RBBP8NL: variants seen among roughly 807,000 people sequenced by gnomAD.
The protein encoded by RBBP8NL is RBBP8 N-terminal-like protein.
In RBBP8NL, 59 loss-of-function variants were observed where a neutral mutation model predicts 62.2. The observed-to-expected ratio is 0.95, with a 90% confidence interval of 0.77 to 1.18. The LOEUF (loss-of-function observed/expected upper bound fraction) is 1.18. RBBP8NL is among the 50% of genes most tolerant of loss of function. The probability of loss-of-function intolerance (pLI) is 0.00; values close to 1 mark genes in which losing one functional copy is unlikely to be tolerated. For synonymous variants in RBBP8NL, 412 were observed against 394.1 expected (o/e 1.05, Z -0.54); for missense variants, 896 against 899.5 (o/e 1.00, Z 0.05).
intron 1 of RBBP8NL, among the ~76,000 whole-genome samples, chr20:62,420,452 G>A (rs1484541075): frequency 6.6e-6 from 1 of 150,952 alleles, no homozygotes; most frequent in Non-Finnish European, 1.5e-5. Flanking sequence ...CACAGAGCAT[G>A]TACACACATA....
Position 62,414,297 on chromosome 20 carries a change from C to G in RBBP8NL, c.1054G>C (p.Glu352Gln). Residue 352 changes from glutamate to glutamine, a missense_variant, in exon 10 of 14, where the codon GAG (glutamate) becomes CAG (glutamine). By Grantham distance (29) the Glu-to-Gln change is conservative. Coordinates refer to ENST00000252998, the MANE Select transcript of RBBP8NL (RefSeq NM_080833.3). Reference sequence around the variant, plus strand: ...GCCAGGAGCAGGTGCAGTGCCCCCTCCAGGCGAAGGTCCTGCATGCCCGCC... The same window carrying G: ...GCCAGGAGCAGGTGCAGTGCCCCCTGCAGGCGAAGGTCCTGCATGCCCGCC... ...ALAGMQDLRL[E>Q]GALHLLLAQQ... is the part of the protein sequence containing the mutation. 1 of 1,572,840 alleles carries G rather than the reference C, an allele frequency of 6.4e-7. No individual in the cohort carries two copies.
intron 1 of RBBP8NL, among the ~76,000 whole-genome samples, chr20:62,421,178 G>A (rs966525728): frequency 9.8e-5 from 15 of 152,390 alleles, no homozygotes; most frequent in African/African-American, 3.6e-4. Flanking sequence ...TTCACCGGGT[G>A]GCTTGTGCTT....
chr20:62,412,835 T>C lies in RBBP8NL; in HGVS notation c.1741A>G (p.Ser581Gly), dbSNP rs1237028588. 5.0e-6 allele frequency: 8 copies of C among 1,613,506 alleles called. No individual in the cohort carries two copies. Among genetic ancestry groups the C allele is most frequent in the Non-Finnish European group, 6.8e-6 (8 of 1,180,002 alleles). The change falls in exon 12 of 14, where the codon AGC becomes GGC. Residue 581 changes from serine (S) to glycine (G), a missense_variant. Coordinates refer to ENST00000252998, the MANE Select transcript of RBBP8NL (RefSeq NM_080833.3). ...AGTGTGTGGCCTGGACCCACCTCGCTGCCTGGGGTGTCTGTCTCATCCAGT... is the reference window on the plus strand; with the variant it reads ...AGTGTGTGGCCTGGACCCACCTCGCCGCCTGGGGTGTCTGTCTCATCCAGT... ...DELDETDTPG[S>G]EVGLSSQAEA... is the part of the protein sequence containing the mutation.
rs911249054 is a variant in RBBP8NL, at chr20:62,419,842, G to A, written c.-83-112C>T. ...CTGTATGGAGCAGACCCCATGCCAT[G>A]CTGTAGGGGCTACTCATGGGAGGTG... On this transcript the variant is annotated intron_variant, in intron 1 of 13. Coordinates refer to ENST00000252998, the MANE Select transcript of RBBP8NL (RefSeq NM_080833.3). The A allele has an allele frequency of 1.9e-5, 11 of 587,526 alleles. No homozygotes were observed. In the African/African-American group the frequency reaches 2.1e-4, roughly 11 times the overall value. 36.4% of individuals were successfully genotyped at this position (587,526 alleles called of 1,614,324 possible).
intron 3 of RBBP8NL, 23 bp from the exon 4 acceptor site, chr20:62,417,342 T>A (rs776794365): frequency 1.9e-6 from 3 of 1,550,562 alleles, no homozygotes; most frequent in Non-Finnish European, 2.6e-6. Context: ...ACAGCTAAAG[T>A]GGGGTCCTGT....
Position 62,418,406 on chromosome 20 carries a change from T to C in RBBP8NL, c.104+17A>G, listed in dbSNP as rs1268521515. The C allele has an allele frequency of 3.2e-6, 5 of 1,550,136 alleles. No individual in the cohort carries two copies. The highest frequency in any genetic ancestry group is 4.4e-6 in the Non-Finnish European group (5 of 1,146,804). ...GTGTGGTCCCTGTGAGGAGGGGCCCTGCTTGGCCTGACTCACCGGCACCTC... is the reference window on the plus strand; with the variant it reads ...GTGTGGTCCCTGTGAGGAGGGGCCCCGCTTGGCCTGACTCACCGGCACCTC... On this transcript the variant is annotated intron_variant, in intron 3 of 13. Coordinates refer to ENST00000252998, the MANE Select transcript of RBBP8NL (RefSeq NM_080833.3).
chr20:62,413,275 C>T, intron 11 of RBBP8NL, 126 bp downstream of exon 11: 1 of 1,219,940 alleles, frequency 8.2e-7, no homozygotes, highest in Non-Finnish European at 1.1e-6. Flanking sequence ...TGGGGTTGCC[C>T]CGTCAGATCG....
Position 62,410,939 on chromosome 20 carries a change from C to T in RBBP8NL, c.1934G>A (p.Ser645Asn), listed in dbSNP as rs1376504970. Residue 645 changes from serine (S) to asparagine (N), a missense_variant, in exon 14 of 14, where the codon AGC becomes AAC. Physicochemically the swap from Ser to Asn is conservative, Grantham distance 46. Transcript: ENST00000252998. ...RKLTATEGPG[S>N]PRDAEDHSPS... ...ACTGTGGTCCTCGGCGTCCCTTGGG[C>T]TCCCGGGCCCCTCAGTGGCTGTCAG... 6.2e-7 allele frequency: 1 copy of T among 1,613,736 alleles called. No individual in the cohort carries two copies. The highest frequency in any genetic ancestry group is 8.5e-7 in the Non-Finnish European group (1 of 1,179,928).
At position 62,415,902 on chromosome 20, in the gene RBBP8NL, G is replaced by A. The variant is rs1433826055; in HGVS notation, c.430C>T (p.Pro144Ser). 3.1e-6 allele frequency: 5 copies of A among 1,587,640 alleles called. No homozygotes were observed. In the African/African-American group the frequency reaches 5.4e-5, roughly 17 times the overall value. Residue 144 changes from proline to serine, a missense_variant, in exon 7 of 14, where the codon CCC becomes TCC. Coordinates refer to ENST00000252998, the MANE Select transcript of RBBP8NL (RefSeq NM_080833.3). ...PRAKEGTSDP[P>S]SPLLLPSPGG... is the part of the protein sequence containing the mutation. Reference sequence around the variant, plus strand: ...GGGGAGGGGAGCAGCAGGGGTGAGGGGGGGTCCGAGGTGCCCTCCTTGGCC... The same window carrying A: ...GGGGAGGGGAGCAGCAGGGGTGAGGAGGGGTCCGAGGTGCCCTCCTTGGCC...
intron 4 of RBBP8NL, 34 bp from the exon 5 acceptor site, chr20:62,416,906 T>C (rs1186108739): frequency 6.7e-7 from 1 of 1,483,104 alleles, no homozygotes; most frequent in South Asian, 1.2e-5. Flanking sequence ...GTGTGAGGGA[T>C]GGCACGGAAG....
intron 3 of RBBP8NL, among the ~76,000 whole-genome samples, chr20:62,417,558 C>T (rs1412070330): frequency 1.7e-4 from 9 of 53,046 alleles, no homozygotes; most frequent in African/African-American, 4.6e-4. Flanking sequence ...GTCCACGCAA[C>T]GCCCCCCCAG....
At chr20:62,417,390 C>G in intron 3 of RBBP8NL, 71 bp from the exon 4 acceptor site, 3 of 1,235,548 alleles carry the variant, frequency 2.4e-6, no homozygotes, top group Non-Finnish European at 2.2e-6. Flanking sequence ...CACCATCCAG[C>G]CTGGGGGGGC....
At chr20:62,423,950 G>T (rs945475520) in intron 1 of RBBP8NL, among the ~76,000 whole-genome samples, 1 of 152,054 alleles carries the variant, frequency 6.6e-6, no homozygotes, top group South Asian at 2.1e-4. Flanking sequence ...CTCTGGGTTT[G>T]TTGGGCTTGC....
chr20:62,423,659 C>T (rs1312270877), intron 1 of RBBP8NL, among the ~76,000 whole-genome samples: 1 of 152,220 alleles, frequency 6.6e-6, no homozygotes, highest in East Asian at 1.9e-4. Context: ...GGGCTTCCTT[C>T]CCAGTGAAGT....
chr20:62,420,382 AC>A (rs1988673954), intron 1 of RBBP8NL, among the ~76,000 whole-genome samples: 1 of 151,214 alleles, frequency 6.6e-6, no homozygotes, highest in African/African-American at 2.4e-5. Flanking sequence ...ACACACACAC[AC>A]ACACACACAC....
intron 11 of RBBP8NL, 33 bp from the exon 12 acceptor site, chr20:62,412,933 C>G (rs1387973802): frequency 2.5e-6 from 4 of 1,609,930 alleles, no homozygotes; most frequent in South Asian, 1.1e-5. Flanking sequence ...TCAGGCCAGG[C>G]TGGTGGCACC....
intron 1 of RBBP8NL, among the ~76,000 whole-genome samples, chr20:62,424,457 C>T (rs565963671): frequency 2.6e-5 from 4 of 152,300 alleles, no homozygotes; most frequent in Admixed American, 1.3e-4. Flanking sequence ...TTCAGCTAAC[C>T]CAGGCCGGCA....
intron 7 of RBBP8NL, 53 bp downstream of exon 7, chr20:62,415,735 T>A (rs889266484): frequency 2.1e-5 from 33 of 1,608,236 alleles, no homozygotes; most frequent in East Asian, 6.7e-5. Flanking sequence ...AGGGGGAGGA[T>A]CCCTGGTCCT....
chr20:62,422,511 A>AG (rs1988722003), intron 1 of RBBP8NL, among the ~76,000 whole-genome samples: 1 of 72,944 alleles, frequency 1.4e-5, no homozygotes, highest in South Asian at 5.8e-4. Flanking sequence ...TTGGACCCCG[A>AG]GAGAGGCCTT....
Sources: gnomAD v4.1 joint callset for allele counts (sites outside exome capture counted in the v4.1 genomes callset) on GRCh38, gnomAD v4.1.1 for gene constraint, MANE v1.5 for transcripts, NCBI Gene and HGNC (gene_info 2026-07-23, HGNC 2026-07-21) for gene names.